Variants in SORCS1 observed in about 807,000 individuals in gnomAD.
SORCS1 encodes sortilin related VPS10 domain containing receptor 1.
A neutral mutation model predicts 146.1 loss-of-function variants in SORCS1; 60 were observed. The ratio of observed to expected loss-of-function variants is 0.41; its 90% CI spans 0.33 to 0.51. The LOEUF (loss-of-function observed/expected upper bound fraction) is 0.51. Among genes scored for constraint, SORCS1 ranks in the 20% least tolerant of loss-of-function variants. The pLI, the probability that SORCS1 is intolerant of heterozygous loss-of-function variation, is 0.21. For missense variants in SORCS1, 1,352 were observed against 1,487.6 expected, an observed-to-expected ratio of 0.91 and a Z score of 1.50; for synonymous variants, 637 against 584.0, an observed-to-expected ratio of 1.09 and a Z score of -1.31.
chr10:106,842,761 G>A (rs189147637), intron 2 of SORCS1, among the ~76,000 whole-genome samples: 18 of 151,908 alleles, frequency 1.2e-4, no homozygotes, highest in Admixed American at 5.3e-4. Context: ...TTGCAGGCAT[G>A]TGTCACCATG....
At chr10:106,602,969 C>T (rs894391985) in intron 23 of SORCS1, among the ~76,000 whole-genome samples, 8 of 152,126 alleles carry the variant, frequency 5.3e-5, no homozygotes, top group Admixed American at 1.3e-4. Context: ...ATCTGCCAAC[C>T]GTGTAGAGTA....
chr10:106,744,442 C>T (rs191269720), intron 5 of SORCS1, among the ~76,000 whole-genome samples: 1 of 152,182 alleles, frequency 6.6e-6, no homozygotes, highest in African/African-American at 2.4e-5. Flanking sequence ...CACTGATGAT[C>T]TTTGTAGGTA....
chr10:107,123,890 A>G (rs1966543333), intron 1 of SORCS1, among the ~76,000 whole-genome samples: 1 of 151,434 alleles, frequency 6.6e-6, no homozygotes, highest in Non-Finnish European at 1.5e-5. Flanking sequence ...ATCCTGGTTA[A>G]CACGGTGAAA....
chr10:106,814,465 T>C (rs1355012415), intron 3 of SORCS1, among the ~76,000 whole-genome samples: 1 of 152,138 alleles, frequency 6.6e-6, no homozygotes, highest in African/African-American at 2.4e-5. Context: ...GGGTTCTAGT[T>C]AAAGGCAACC....
At chr10:106,591,110 A>G (rs1234026650) in intron 24 of SORCS1, among the ~76,000 whole-genome samples, 1 of 152,206 alleles carries the variant, frequency 6.6e-6, no homozygotes, top group African/African-American at 2.4e-5. Flanking sequence ...ACCATGAGCT[A>G]TGCCATGAAG....
chr10:106,938,617 T>C (rs1256014414), intron 2 of SORCS1, among the ~76,000 whole-genome samples: 2 of 152,246 alleles, frequency 1.3e-5, no homozygotes, highest in East Asian at 1.9e-4. Context: ...GGAGCAATTG[T>C]ATCATGTGCT....
chr10:107,064,424 T>C (rs1961543716), intron 1 of SORCS1, among the ~76,000 whole-genome samples: 1 of 152,188 alleles, frequency 6.6e-6, no homozygotes, highest in South Asian at 2.1e-4. Context: ...GCAAATCCAC[T>C]CTAGCTCACA....
At chr10:106,818,879 C>T (rs757325333) in intron 3 of SORCS1, among the ~76,000 whole-genome samples, 2 of 152,174 alleles carry the variant, frequency 1.3e-5, no homozygotes, top group Non-Finnish European at 2.9e-5. Flanking sequence ...CCTTCCTAGT[C>T]TCCAAAGATA....
intron 1 of SORCS1, among the ~76,000 whole-genome samples, chr10:106,994,137 T>C (rs868349309): frequency 3.7e-4 from 43 of 116,932 alleles, no homozygotes; most frequent in African/African-American, 1.4e-3. Context: ...GTAAAAACAA[T>C]AAACCCACTT....
chr10:106,584,780 TTAAAC>T (rs1160876908), intron 24 of SORCS1, among the ~76,000 whole-genome samples: 2 of 152,176 alleles, frequency 1.3e-5, no homozygotes, highest in African/African-American at 4.8e-5. Flanking sequence ...GTTTCTGAAT[TTAAAC>T]TGAGGGTGAA....
intron 2 of SORCS1, among the ~76,000 whole-genome samples, chr10:106,887,598 ACCT>A (rs1359321380): frequency 1.3e-5 from 2 of 152,070 alleles, no homozygotes; most frequent in African/African-American, 4.8e-5. Context: ...AATAAATATA[ACCT>A]CCTAATAAAA....
chr10:107,072,641 C>T (rs949665736), intron 1 of SORCS1, among the ~76,000 whole-genome samples: 4 of 149,902 alleles, frequency 2.7e-5, no homozygotes, highest in African/African-American at 4.9e-5. Context: ...AGACACATGG[C>T]GAGAGGGAGA....
chr10:107,147,693 G>A (rs1386567908), intron 1 of SORCS1, among the ~76,000 whole-genome samples: 2 of 152,066 alleles, frequency 1.3e-5, no homozygotes, highest in African/African-American at 2.4e-5. Context: ...TACCAAGAGA[G>A]GTAAATAAAA....
chr10:107,104,948 G>A (rs1965202202), intron 1 of SORCS1, among the ~76,000 whole-genome samples: 1 of 152,186 alleles, frequency 6.6e-6, no homozygotes. Context: ...AGAATGACCT[G>A]AATGCCTGTG....
At chr10:106,793,320 C>A (rs553880357) in intron 3 of SORCS1, among the ~76,000 whole-genome samples, 2 of 152,064 alleles carry the variant, frequency 1.3e-5, no homozygotes, top group African/African-American at 2.4e-5. Flanking sequence ...CAGAGGAATG[C>A]GGGCATGCAT....
At chr10:106,794,271 A>G (rs1399824361) in intron 3 of SORCS1, among the ~76,000 whole-genome samples, 1 of 152,122 alleles carries the variant, frequency 6.6e-6, no homozygotes, top group Non-Finnish European at 1.5e-5. Flanking sequence ...CACCACCCAC[A>G]TCATCTTTTG....
chr10:106,921,481 C>T (rs968499855), intron 2 of SORCS1, among the ~76,000 whole-genome samples: 1 of 152,168 alleles, frequency 6.6e-6, no homozygotes, highest in Non-Finnish European at 1.5e-5. Flanking sequence ...TCTCTTAATT[C>T]CATTTCAATA....
intron 23 of SORCS1, among the ~76,000 whole-genome samples, chr10:106,602,759 C>T (rs1455674456): frequency 1.3e-5 from 2 of 152,154 alleles, no homozygotes; most frequent in African/African-American, 4.8e-5. Context: ...CTTCAGTGAC[C>T]TTCCTTGTAA....
At chr10:106,606,679 C>T (rs1846617526) in intron 23 of SORCS1, among the ~76,000 whole-genome samples, 1 of 152,134 alleles carries the variant, frequency 6.6e-6, no homozygotes, top group Admixed American at 6.6e-5. Flanking sequence ...GCTGTGCTCC[C>T]ACCCAAATCT....
Sources: allele counts gnomAD v4.1 joint callset (sites outside exome capture counted in the v4.1 genomes callset), GRCh38; gene constraint gnomAD v4.1.1; transcripts MANE v1.5; gene names NCBI Gene and HGNC (gene_info 2026-07-23, HGNC 2026-07-21).